Variants in FPGT observed in about 807,000 individuals in gnomAD.
The protein encoded by FPGT is GDP-L-fucose diphosphorylase.
FPGT carries 41 observed loss-of-function variants against 45.8 expected under a neutral mutation model. The observed-to-expected ratio is 0.90, with a 90% confidence interval of 0.70 to 1.16. The LOEUF (loss-of-function observed/expected upper bound fraction) is 1.16, where lower values mean the gene tolerates loss of function less well. Ranked by LOEUF, FPGT falls within the 50% of genes most tolerant of loss-of-function variation. FPGT has a pLI of 0.00. For missense variants in FPGT, 755 were observed against 689.1 expected (o/e 1.10, Z -1.07); for synonymous variants, 292 against 247.2 (o/e 1.18, Z -1.70).
In FPGT at chr1:74,204,888, G is replaced by T; in HGVS notation, c.841G>T (p.Ala281Ser). The change falls in exon 4 of 4, where the codon GCA (alanine) becomes TCA (serine). Residue 281 changes from alanine to serine, a missense_variant. Coordinates refer to ENST00000370898, the MANE Select transcript of FPGT (RefSeq NM_003838.5). ...CCTATTTTATATGGATCATAAATCAGCAAAAATGTTACTTGCTTTTTATGA... is the reference window on the plus strand; with the variant it reads ...CCTATTTTATATGGATCATAAATCATCAAAAATGTTACTTGCTTTTTATGA... ...DSLFYMDHKSAKMLLAFYEKI... is the reference protein window; with the variant it reads ...DSLFYMDHKSSKMLLAFYEKI... 1.2e-6 allele frequency: 2 copies of T among 1,613,548 alleles called. No homozygotes were observed. The highest frequency in any genetic ancestry group is 1.7e-6 in the Non-Finnish European group (2 of 1,179,816).
Position 74,204,578 on chromosome 1 carries a change from A to T in FPGT, c.531A>T (p.Glu177Asp). ...ATATTGAACTTTATAGTATTGGAGA[A>T]TTTGAGTTTATTAGGTTTGACAAAC... ...ADDIELYSIG[E>D]FEFIRFDKPG... Residue 177 changes from glutamate to aspartate, a missense_variant, in exon 4 of 4, where the codon GAA (glutamate) becomes GAT (aspartate). Coordinates refer to ENST00000370898, the MANE Select transcript of FPGT (RefSeq NM_003838.5). 1.2e-6 allele frequency: 2 copies of T among 1,612,236 alleles called. No homozygotes were observed. The highest frequency in any genetic ancestry group is 1.7e-6 in the Non-Finnish European group (2 of 1,178,434).
chr1:74,200,246 C>T (rs140718948), intron 2 of FPGT, among the ~76,000 whole-genome samples: 4 of 152,272 alleles, frequency 2.6e-5, no homozygotes, highest in South Asian at 4.1e-4. Context: ...AGAACACTGT[C>T]ACATGGCTTA....
chr1:74,200,333 T>C (rs994637804), intron 2 of FPGT, among the ~76,000 whole-genome samples: 2 of 152,156 alleles, frequency 1.3e-5, no homozygotes, highest in Non-Finnish European at 2.9e-5. Flanking sequence ...TAGAAATAAA[T>C]GCTGTTTTTC....
Position 74,205,375 on chromosome 1 carries a change from C to G in FPGT, c.1328C>G (p.Thr443Arg). 1.2e-6 allele frequency: 2 copies of G among 1,614,030 alleles called. No homozygotes were observed. Among genetic ancestry groups the G allele is most frequent in the Non-Finnish European group, 1.7e-6 (2 of 1,179,908 alleles). Residue 443 changes from threonine (T) to arginine (R), a missense_variant, in exon 4 of 4, where the codon ACA (threonine) becomes AGA (arginine). Thr to Arg is a moderately conservative substitution (Grantham distance 71). Transcript: ENST00000370898. ...ATTATTAGTGGTTCTTACATCCTAA[C>G]AAAAGCTGCCCTCCCCGCACATTCT... The part of the protein sequence containing the change: ...NCIISGSYIL[T>R]KAALPAHSFV...
intron 3 of FPGT, among the ~76,000 whole-genome samples, chr1:74,202,595 T>C (rs1375411908): frequency 6.6e-6 from 1 of 152,160 alleles, no homozygotes; most frequent in Non-Finnish European, 1.5e-5. Context: ...AAACAGAAAC[T>C]TATTAGCTCT....
Position 74,204,538 on chromosome 1 carries a change from T to C in FPGT, c.491T>C (p.Val164Ala). 1 of 1,609,034 alleles carries C rather than the reference T, an allele frequency of 6.2e-7. No homozygotes were observed. The highest frequency in any genetic ancestry group is 8.5e-7 in the Non-Finnish European group (1 of 1,175,398). Residue 164 changes from valine to alanine, a missense_variant, in exon 4 of 4, where the codon GTT (valine) becomes GCT (alanine). Coordinates refer to ENST00000370898, the MANE Select transcript of FPGT (RefSeq NM_003838.5). ...TTAAATATGAATCCTGGAATTCTGG[T>C]TACCTGTGCAGATGATATTGAACTT... is the stretch of plus-strand genomic sequence containing the variant. ...FPLNMNPGIL[V>A]TCADDIELYS...
intron 3 of FPGT, 29 bp from the exon 4 acceptor site, chr1:74,204,362 T>A: frequency 6.7e-7 from 1 of 1,486,398 alleles, no homozygotes; most frequent in Non-Finnish European, 9.0e-7. Flanking sequence ...ACTGCATTTT[T>A]AAATGGTTAT....
Position 74,207,930 on chromosome 1 carries a change from G to A in FPGT, c.*2098G>A, listed in dbSNP as rs1652413815. 6.6e-6 allele frequency among the ~76,000 whole-genome samples: 1 copy of A among 151,928 alleles called. No homozygotes were observed. The highest frequency in any genetic ancestry group is 6.6e-5 in the Admixed American group (1 of 15,232). On this transcript the variant is annotated 3_prime_UTR_variant, in exon 4 of 4. Coordinates refer to ENST00000370898, the MANE Select transcript of FPGT (RefSeq NM_003838.5). ...CATGGATTCTGGTTGCTTTGAAATG[G>A]TTCTGTTCAAAGGACTTATCAATGT... is the stretch of plus-strand genomic sequence containing the variant.
At chr1:74,200,144 C>T (rs1413745311) in intron 2 of FPGT, among the ~76,000 whole-genome samples, 6 of 152,160 alleles carry the variant, frequency 3.9e-5, no homozygotes, top group Admixed American at 1.3e-4. Flanking sequence ...AGGTCCTCTC[C>T]ACTCCAGAGT....
chr1:74,202,346 A>G (rs1038133865), intron 3 of FPGT, among the ~76,000 whole-genome samples: 10 of 152,204 alleles, frequency 6.6e-5, no homozygotes, highest in African/African-American at 2.2e-4. Context: ...ATACAAAACA[A>G]TGATTCTTTG....
chr1:74,208,679 T>G lies in FPGT; in HGVS notation c.*2847T>G, dbSNP rs2100785711. ...AGGATATGTATCAGTGTATACTGAT[T>G]GAAATAAAGCTTTAAAAATCCAAGT... On this transcript the variant is annotated 3_prime_UTR_variant, in exon 4 of 4. Transcript: ENST00000370898. Among the ~76,000 whole-genome samples, 1 of 152,174 alleles carries G rather than the reference T, an allele frequency of 6.6e-6. No homozygotes were observed. Among genetic ancestry groups the G allele is most frequent in the East Asian group, 1.9e-4 (1 of 5,170 alleles).
Position 74,204,461 on chromosome 1 carries a change from C to A in FPGT, c.414C>A (p.Asn138Lys). ...TTTTCACTGCTTTACCTCTTGGTAA[C>A]CCCATTTATCAGATGCTAGAATTAA... ...GKIFTALPLG[N>K]PIYQMLELKL... Residue 138 changes from asparagine (N) to lysine (K), a missense_variant, in exon 4 of 4, where the codon AAC becomes AAA. Physicochemically the swap from Asn to Lys is moderately conservative, Grantham distance 94. Transcript: ENST00000370898. 1 of 1,607,718 alleles carries A rather than the reference C, an allele frequency of 6.2e-7. No individual in the cohort carries two copies. The highest frequency in any genetic ancestry group is 8.5e-7 in the Non-Finnish European group (1 of 1,174,576).
At position 74,207,551 on chromosome 1, in the gene FPGT, A is replaced by G. The variant is rs1291406873; in HGVS notation, c.*1719A>G. On this transcript the variant is annotated 3_prime_UTR_variant, in exon 4 of 4. Transcript: ENST00000370898. ...CTCCTGCAAGATTTGATACCCTTCT[A>G]TTTGGCAAAACTCAGTTTCACTTTT... is the stretch of plus-strand genomic sequence containing the variant. 2.6e-5 allele frequency among the ~76,000 whole-genome samples: 4 copies of G among 151,872 alleles called. No individual in the cohort carries two copies. Among genetic ancestry groups the G allele is most frequent in the Non-Finnish European group, 5.9e-5 (4 of 67,914 alleles).
chr1:74,203,855 A>G (rs951781761), intron 3 of FPGT, among the ~76,000 whole-genome samples: 149 of 152,042 alleles, frequency 9.8e-4, no homozygotes, highest in African/African-American at 3.5e-3. Context: ...CAGCCTGGCC[A>G]ACATGGTGAA....
At chr1:74,203,307 A>G (rs539965115) in intron 3 of FPGT, among the ~76,000 whole-genome samples, 1 of 152,272 alleles carries the variant, frequency 6.6e-6, no homozygotes, top group East Asian at 1.9e-4. Flanking sequence ...TATGCTGTCC[A>G]TAATTGAGCG....
chr1:74,201,420 T>TA lies in FPGT; in HGVS notation c.343+11dup. 6.5e-7 allele frequency: 1 copy of TA among 1,533,238 alleles called. No homozygotes were observed. The highest frequency in any genetic ancestry group is 8.9e-7 in the Non-Finnish European group (1 of 1,123,882). 95.0% of individuals were successfully genotyped at this position (1,533,238 alleles called of 1,614,324 possible). A position where few individuals can be genotyped will look rare whatever the true frequency, so the allele number is the denominator to read the frequency against. ...TTATTAATTCACTCTGGTAATGTTA[T>TA]ACTTTACTAATTTACATTTTCTTTT... On this transcript the variant is annotated intron_variant, in intron 3 of 3. Coordinates refer to ENST00000370898, the MANE Select transcript of FPGT (RefSeq NM_003838.5).
rs1290079526 is a variant in FPGT at position 74,204,991 on chromosome 1, A to C, written c.944A>C (p.Glu315Ala). 2.5e-6 allele frequency: 4 copies of C among 1,613,990 alleles called. No individual in the cohort carries two copies. In the African/African-American group the frequency reaches 5.3e-5, roughly 22 times the overall value. Residue 315 changes from glutamate to alanine, a missense_variant, in exon 4 of 4, where the codon GAG becomes GCG. Transcript: ENST00000370898. ...LQALGPGATV[E>A]YTRNTSNVIK... The stretch of plus-strand genomic sequence containing the variant: ...GCTTTGGGACCTGGAGCAACTGTGG[A>C]GTACACCAGAAACACATCAAATGTC...
Position 74,207,216 on chromosome 1 carries a change from G to GAC in FPGT, c.*1387_*1388dup, listed in dbSNP as rs1326915584. 1 of 151,988 alleles carries GAC rather than the reference G, an allele frequency of 6.6e-6. No individual in the cohort carries two copies. The highest frequency in any genetic ancestry group is 1.9e-4 in the East Asian group (1 of 5,194). 9.4% of individuals were successfully genotyped at this position (151,988 alleles called of 1,614,324 possible). A position where few individuals can be genotyped will look rare whatever the true frequency, so the allele number is the denominator to read the frequency against. On this transcript the variant is annotated 3_prime_UTR_variant, in exon 4 of 4. Coordinates refer to ENST00000370898, the MANE Select transcript of FPGT (RefSeq NM_003838.5). Reference sequence around the variant, plus strand: ...CATTAAGAAAAACACAATAAAACATGACACTGCTTTTTTTGTTACTTGAAA... The same window carrying GAC: ...CATTAAGAAAAACACAATAAAACATGACACACTGCTTTTTTTGTTACTTGAAA...
chr1:74,205,647 T>G lies in FPGT; in HGVS notation c.1600T>G (p.Leu534Val). The G allele has an allele frequency of 6.2e-7, 1 of 1,612,168 alleles. No individual in the cohort carries two copies. Among genetic ancestry groups the G allele is most frequent in the South Asian group, 1.1e-5 (1 of 91,050 alleles). Reference protein sequence around the residue: ...TARIFPVCSSLSDSVITSLKM... With the variant: ...TARIFPVCSSVSDSVITSLKM... Reference sequence around the variant, plus strand: ...ACGCATTTTCCCAGTTTGTTCTTCTTTGAGTGACTCAGTTATAACATCCCT... The same window carrying G: ...ACGCATTTTCCCAGTTTGTTCTTCTGTGAGTGACTCAGTTATAACATCCCT... The change falls in exon 4 of 4, where the codon TTG becomes GTG. Residue 534 changes from leucine to valine, a missense_variant. Coordinates refer to ENST00000370898, the MANE Select transcript of FPGT (RefSeq NM_003838.5).
Sources: gnomAD v4.1 joint callset for allele counts (sites outside exome capture counted in the v4.1 genomes callset) on GRCh38, gnomAD v4.1.1 for gene constraint, MANE v1.5 for transcripts, NCBI Gene and HGNC (gene_info 2026-07-23, HGNC 2026-07-21) for gene names.